Variants in SLIT1 observed in about 807,000 individuals in gnomAD.
The protein encoded by SLIT1 is slit homolog 1 protein.
A neutral mutation model predicts 186.1 loss-of-function variants in SLIT1; 66 were observed. That is an observed-to-expected ratio of 0.35 (90% CI 0.29 to 0.44). The LOEUF is 0.44. SLIT1 is among the 20% of genes least tolerant of loss of function. The probability of loss-of-function intolerance (pLI) is 1.00; values close to 1 mark genes in which losing one functional copy is unlikely to be tolerated. For missense variants in SLIT1, 1,638 were observed against 2,037.4 expected, an observed-to-expected ratio of 0.80 and a Z score of 3.77; for synonymous variants, 761 against 833.8, an observed-to-expected ratio of 0.91 and a Z score of 1.50.
In SLIT1 at chr10:97,047,992, T is replaced by G; in HGVS notation, c.1470A>C (p.Lys490Asn). Residue 490 changes from lysine to asparagine, a missense_variant, in exon 15 of 37, where the codon AAA becomes AAC. Coordinates refer to ENST00000266058, the MANE Select transcript of SLIT1 (RefSeq NM_003061.3). Reference sequence around the variant, plus strand: ...TCCTACCTGGAATGAAGTACTGCTCTTTGGCTGGGAAGAGAAGCAGAAATA... The same window carrying G: ...TCCTACCTGGAATGAAGTACTGCTCGTTGGCTGGGAAGAGAAGCAGAAATA... ...IKSKKFRCSAKEQYFIPGTED... is the reference protein window; with the variant it reads ...IKSKKFRCSANEQYFIPGTED... 1 of 1,614,100 alleles carries G rather than the reference T, an allele frequency of 6.2e-7. No individual in the cohort carries two copies. Among genetic ancestry groups the G allele is most frequent in the Non-Finnish European group, 8.5e-7 (1 of 1,179,992 alleles).
intron 4 of SLIT1, among the ~76,000 whole-genome samples, chr10:97,130,935 G>C (rs903135048): frequency 1.3e-5 from 2 of 152,110 alleles, no homozygotes; most frequent in Non-Finnish European, 2.9e-5. Context: ...CATGCTCTGT[G>C]ATCTGGACCC....
rs955045089 is a variant in SLIT1, at chr10:97,000,066, G to A, written c.*1046C>T. The A allele has an allele frequency of 3.3e-5, 5 of 152,522 alleles. 1 individual carries two copies. Among genetic ancestry groups the A allele is most frequent in the East Asian group, 1.9e-4 (1 of 5,182 alleles). The allele number at this position is 152,522 out of a possible 1,614,324, so 9.4% of individuals were successfully genotyped here. On this transcript the variant is annotated 3_prime_UTR_variant, in exon 37 of 37. Coordinates refer to ENST00000266058, the MANE Select transcript of SLIT1 (RefSeq NM_003061.3). ...TAGCTGAAGAACCCAAGGCCCAGGT[G>A]GGGAGAAGTTTGCCCCGAGTGATAG... is the stretch of plus-strand genomic sequence containing the variant.
intron 4 of SLIT1, among the ~76,000 whole-genome samples, chr10:97,086,590 G>C (rs945623843): frequency 1.3e-5 from 2 of 151,934 alleles, no homozygotes; most frequent in African/African-American, 4.8e-5. Flanking sequence ...CCAAAAAAAA[G>C]AAAGGAAAGG....
chr10:97,111,848 G>A (rs2817698), intron 4 of SLIT1, among the ~76,000 whole-genome samples: 94,814 of 151,838 alleles, frequency 0.62, 30,468 homozygotes, highest in Admixed American at 0.7. Context: ...TTAACACACC[G>A]TGAAAATAAG....
chr10:97,140,151 T>C (rs1849742958), intron 4 of SLIT1, among the ~76,000 whole-genome samples: 1 of 151,724 alleles, frequency 6.6e-6, no homozygotes, highest in Non-Finnish European at 1.5e-5. Context: ...GGTGAAAGAG[T>C]GGCCCCTGTC....
chr10:97,063,656 C>G (rs1473600982), intron 7 of SLIT1, 38 bp from the exon 8 acceptor site: 2 of 1,545,538 alleles, frequency 1.3e-6, no homozygotes, highest in Admixed American at 1.9e-5. Context: ...CCATCTGGAT[C>G]CCCCAGCCCA....
At chr10:97,148,976 C>A (rs7072055) in intron 4 of SLIT1, among the ~76,000 whole-genome samples, 21,086 of 152,200 alleles carry the variant, frequency 0.14, 1,546 homozygotes, top group Middle Eastern at 0.19. Context: ...TGCCTTTGAG[C>A]CCCTGTAAGT....
intron 28 of SLIT1, among the ~76,000 whole-genome samples, chr10:97,018,362 C>T (rs1848472592): frequency 6.6e-6 from 1 of 152,242 alleles, no homozygotes; most frequent in Non-Finnish European, 1.5e-5. Flanking sequence ...ATCCACTGGT[C>T]TCTCTGTGCT....
At position 97,018,633 on chromosome 10, in the gene SLIT1, T is replaced by A; in HGVS notation, c.2922A>T (p.Glu974Asp). Residue 974 changes from glutamate to aspartate, a missense_variant, in exon 28 of 37, where the codon GAA (glutamate) becomes GAT (aspartate). By Grantham distance (45) the Glu-to-Asp change is conservative. Coordinates refer to ENST00000266058, the MANE Select transcript of SLIT1 (RefSeq NM_003061.3). ...SLDSCSSGPC[E>D]NGGTCHAQEG... ...CCTGTGCATGGCAGGTGCCCCCATT[T>A]TCACAGGGGCCACTGGAACAGCTGT... The A allele has an allele frequency of 6.3e-7, 1 of 1,596,982 alleles. No homozygotes were observed. Among genetic ancestry groups the A allele is most frequent in the Non-Finnish European group, 8.5e-7 (1 of 1,172,174 alleles).
At chr10:97,134,295 C>T (rs144983792) in intron 4 of SLIT1, among the ~76,000 whole-genome samples, 22 of 152,276 alleles carry the variant, frequency 1.4e-4, no homozygotes, top group African/African-American at 2.4e-4. Context: ...GTCTTGGGGA[C>T]GCCATCTCAT....
At chr10:97,118,691 A>G (rs1849530804) in intron 4 of SLIT1, among the ~76,000 whole-genome samples, 1 of 152,184 alleles carries the variant, frequency 6.6e-6, no homozygotes, top group African/African-American at 2.4e-5. Context: ...GACATACCGA[A>G]TGATTCAAAC....
chr10:97,158,276 C>T (rs960151909), intron 3 of SLIT1, among the ~76,000 whole-genome samples: 1 of 152,164 alleles, frequency 6.6e-6, no homozygotes, highest in Non-Finnish European at 1.5e-5. Context: ...GGGAGACATA[C>T]CCTAATGGCC....
At chr10:97,089,475 G>A (rs577257785) in intron 4 of SLIT1, among the ~76,000 whole-genome samples, 73 of 152,306 alleles carry the variant, frequency 4.8e-4, no homozygotes, top group African/African-American at 1.7e-3. Flanking sequence ...GGCTGACTGC[G>A]CAGAGAGATA....
chr10:97,039,222 A>T (rs1848668451), intron 21 of SLIT1, among the ~76,000 whole-genome samples: 1 of 152,202 alleles, frequency 6.6e-6, no homozygotes, highest in African/African-American at 2.4e-5. Context: ...AGAGCACAGG[A>T]AGAGGTCAGA....
intron 18 of SLIT1, among the ~76,000 whole-genome samples, chr10:97,044,516 T>C (rs910037530): frequency 8.5e-5 from 13 of 152,130 alleles, no homozygotes; most frequent in African/African-American, 3.1e-4. Context: ...ATTAAAATGG[T>C]TTATCAACAT....
intron 4 of SLIT1, among the ~76,000 whole-genome samples, chr10:97,069,436 G>C (rs1465541238): frequency 6.6e-6 from 1 of 152,238 alleles, no homozygotes; most frequent in Non-Finnish European, 1.5e-5. Flanking sequence ...CCAGAAATGT[G>C]TACTGAAAGC....
At chr10:97,092,276 C>T (rs965100246) in intron 4 of SLIT1, among the ~76,000 whole-genome samples, 1 of 152,244 alleles carries the variant, frequency 6.6e-6, no homozygotes, top group African/African-American at 2.4e-5. Context: ...AAAAATGTCA[C>T]ATATCCTGCT....
intron 8 of SLIT1, among the ~76,000 whole-genome samples, chr10:97,061,976 C>T (rs1848897488): frequency 6.6e-6 from 1 of 152,158 alleles, no homozygotes. Context: ...GTGACAGTGG[C>T]CTTCAAAGGA....
At chr10:97,084,521 G>A (rs1849136967) in intron 4 of SLIT1, among the ~76,000 whole-genome samples, 1 of 152,334 alleles carries the variant, frequency 6.6e-6, no homozygotes, top group Middle Eastern at 3.4e-3. Flanking sequence ...GTCATAGCTG[G>A]TGGTTTAAGG....
Sources: gnomAD v4.1 joint callset for allele counts (sites outside exome capture counted in the v4.1 genomes callset) on GRCh38, gnomAD v4.1.1 for gene constraint, MANE v1.5 for transcripts, NCBI Gene and HGNC (gene_info 2026-07-23, HGNC 2026-07-21) for gene names.